PKD1L3: variants seen among roughly 807,000 people sequenced by gnomAD.
PKD1L3 encodes polycystin-1-like protein 3.
In PKD1L3, 239 loss-of-function variants were observed where a neutral mutation model predicts 184.1. The observed-to-expected ratio is 1.30, with a 90% confidence interval of 1.17 to 1.45. The LOEUF is 1.45. PKD1L3 is among the 40% of genes most tolerant of loss of function. The pLI is 0.00. For missense variants in PKD1L3, 2,660 were observed against 2,067.2 expected, an observed-to-expected ratio of 1.29 and a Z score of -5.56; for synonymous variants, 996 against 778.8, an observed-to-expected ratio of 1.28 and a Z score of -4.64.
chr16:71,929,814 A>G (rs2037863111), intron 29 of PKD1L3, 136 bp from the exon 30 acceptor site: 1 of 1,030,960 alleles, frequency 9.7e-7, no homozygotes, highest in Non-Finnish European at 1.4e-6. Flanking sequence ...GCAGTCAGGC[A>G]TTGGAGTGTT....
chr16:71,981,972 A>G (rs2040176119), intron 7 of PKD1L3, 87 bp downstream of exon 7: 1 of 1,287,838 alleles, frequency 7.8e-7, no homozygotes, highest in Non-Finnish European at 1.0e-6. Flanking sequence ...TTATCTTTAA[A>G]GGTCTGGGGA....
intron 16 of PKD1L3, among the ~76,000 whole-genome samples, chr16:71,954,538 T>C (rs2038973741): frequency 6.6e-6 from 1 of 152,356 alleles, no homozygotes; most frequent in African/African-American, 2.4e-5. Context: ...TTGTTGAGGA[T>C]AATTTATATG....
intron 3 of PKD1L3, among the ~76,000 whole-genome samples, chr16:71,990,979 T>A (rs2143846012): frequency 6.6e-6 from 1 of 152,308 alleles, no homozygotes; most frequent in African/African-American, 2.4e-5. Context: ...TATTACTGCA[T>A]CAGCTTATGA....
intron 15 of PKD1L3, among the ~76,000 whole-genome samples, chr16:71,964,925 CA>C (rs1306146833): frequency 1.3e-5 from 2 of 150,762 alleles, no homozygotes; most frequent in Non-Finnish European, 2.9e-5. Flanking sequence ...TGGCTCACTG[CA>C]ACCTCCACCT....
chr16:71,933,875 C>T (rs1200974620), intron 27 of PKD1L3, 40 bp downstream of exon 27: 2 of 1,538,726 alleles, frequency 1.3e-6, no homozygotes, highest in Admixed American at 3.9e-5. Context: ...TCCAAGACCA[C>T]AGCACACGGA....
intron 18 of PKD1L3, among the ~76,000 whole-genome samples, chr16:71,952,640 G>C (rs529341991): frequency 1.6e-5 from 1 of 61,440 alleles, no homozygotes; most frequent in East Asian, 9.6e-4. Flanking sequence ...TTTGAGACCA[G>C]CCTGGGTAAC....
At position 71,978,316 on chromosome 16, in the gene PKD1L3, C is replaced by A. The variant is rs149821120; in HGVS notation, c.1466G>T (p.Ser489Ile). ...TTTACGATTAGCGCTTAGTAACACA[C>A]TTCCAATGCTTCCAACAATGTTTCT... ...DNRNIVGSIG[S>I]VLLSANRKLL... is the part of the protein sequence containing the mutation. The change falls in exon 10 of 30, where the codon AGT becomes ATT. Residue 489 changes from serine to isoleucine, a missense_variant. Physicochemically the swap from Ser to Ile is moderately radical, Grantham distance 142. Transcript: ENST00000620267. 3 of 1,550,862 alleles carry A rather than the reference C, an allele frequency of 1.9e-6. No individual in the cohort carries two copies. The highest frequency in any genetic ancestry group is 2.6e-6 in the Non-Finnish European group (3 of 1,146,518).
intron 6 of PKD1L3, among the ~76,000 whole-genome samples, 181 bp downstream of exon 6, chr16:71,983,855 G>C (rs1194061388): frequency 6.6e-6 from 1 of 151,526 alleles, no homozygotes; most frequent in African/African-American, 2.4e-5. Context: ...GTAGAGACGG[G>C]TTTTGCCATG....
chr16:71,978,196 C>T, intron 10 of PKD1L3, 59 bp downstream of exon 10: 1 of 1,500,958 alleles, frequency 6.7e-7, no homozygotes, highest in Admixed American at 2.0e-5. Context: ...TGCATCCTTC[C>T]ATCCTGTTGC....
chr16:71,939,367 G>A (rs910973298), intron 24 of PKD1L3, among the ~76,000 whole-genome samples: 2 of 152,200 alleles, frequency 1.3e-5, no homozygotes, highest in Non-Finnish European at 2.9e-5. Flanking sequence ...CAATTCGGCA[G>A]AACGAGCACA....
At chr16:71,952,747 G>A in intron 18 of PKD1L3, 147 bp downstream of exon 18, 1 of 742,368 alleles carries the variant, frequency 1.3e-6, no homozygotes, top group African/African-American at 1.9e-5. Flanking sequence ...GAGGTGGGAG[G>A]ACCACTTGAG....
chr16:71,949,903 C>T lies in PKD1L3; in HGVS notation c.3498G>A (p.Leu1166=), dbSNP rs1293333146. 2 of 1,551,542 alleles carry T rather than the reference C, an allele frequency of 1.3e-6. No homozygotes were observed. Among genetic ancestry groups the T allele is most frequent in the African/African-American group, 2.7e-5 (2 of 73,018 alleles). The part of the protein sequence containing the change: ...VCWLLLGFTS[L]ASAFFTALYS... ...AAAGTGCTGTAAAAAAGGCTGAAGCCAGGCTAGTGAAACCTAAGAGGAGCC... is the reference window on the plus strand; with the variant it reads ...AAAGTGCTGTAAAAAAGGCTGAAGCTAGGCTAGTGAAACCTAAGAGGAGCC... Residue 1166 remains leucine (L), a synonymous_variant, in exon 21 of 30, where the codon CTG becomes CTA. Coordinates refer to ENST00000620267, the MANE Select transcript of PKD1L3 (RefSeq NM_181536.2).
intron 28 of PKD1L3, among the ~76,000 whole-genome samples, chr16:71,931,847 C>A (rs2037984009): frequency 6.6e-6 from 1 of 152,070 alleles, no homozygotes; most frequent in African/African-American, 2.4e-5. Context: ...CTTTAGATTA[C>A]CTCTAGTACT....
Position 71,949,959 on chromosome 16 carries a change from C to A in PKD1L3, c.3442G>T (p.Gly1148Cys), listed in dbSNP as rs1314901950. 6.4e-7 allele frequency: 1 copy of A among 1,551,386 alleles called. No individual in the cohort carries two copies. Among genetic ancestry groups the A allele is most frequent in the East Asian group, 2.4e-5 (1 of 40,930 alleles). ...SEEGKKPISN[G>C]LSKWLTSVCW... ...ACTGAAGTCAACCATTTGGACAGGC[C>A]ATTTGAGATGGGCTTTTTTCCTTCT... The change falls in exon 21 of 30, where the codon GGC becomes TGC. Residue 1148 changes from glycine to cysteine, a missense_variant. By Grantham distance (159) the Gly-to-Cys change is radical (BLOSUM62 -3). Transcript: ENST00000620267.
intron 16 of PKD1L3, among the ~76,000 whole-genome samples, chr16:71,959,594 G>C (rs1287046816): frequency 6.6e-6 from 1 of 152,132 alleles, no homozygotes; most frequent in Admixed American, 6.6e-5. Flanking sequence ...TGGGAATTGG[G>C]AGAGAGGTTA....
chr16:71,964,372 T>C (rs2039412454), intron 15 of PKD1L3, among the ~76,000 whole-genome samples: 1 of 128,460 alleles, frequency 7.8e-6, no homozygotes, highest in African/African-American at 2.9e-5. Context: ...AGAGTTTCAC[T>C]CTCTTGCACA....
chr16:71,976,558 GTC>G (rs1264645464), intron 11 of PKD1L3, among the ~76,000 whole-genome samples: 4 of 151,652 alleles, frequency 2.6e-5, no homozygotes, highest in African/African-American at 9.7e-5. Flanking sequence ...TGCCTGGCCT[GTC>G]TCTGTTATTT....
At chr16:71,972,793 G>A (rs1294696801) in intron 12 of PKD1L3, among the ~76,000 whole-genome samples, 1 of 152,258 alleles carries the variant, frequency 6.6e-6, no homozygotes, top group Admixed American at 6.5e-5. Context: ...CATTCTTTGA[G>A]CAACCAAACC....
chr16:71,972,936 G>A (rs539455052), intron 12 of PKD1L3, among the ~76,000 whole-genome samples: 17 of 152,274 alleles, frequency 1.1e-4, no homozygotes, highest in African/African-American at 3.8e-4. Flanking sequence ...GGCCTGGAAC[G>A]TAAAAGAATC....
Sources: allele counts gnomAD v4.1 joint callset (sites outside exome capture counted in the v4.1 genomes callset), GRCh38; gene constraint gnomAD v4.1.1; transcripts MANE v1.5; gene names NCBI Gene and HGNC (gene_info 2026-07-23, HGNC 2026-07-21).